Variants in LRMDA observed in about 807,000 individuals in gnomAD.
The protein encoded by LRMDA is leucine rich melanocyte differentiation associated.
In LRMDA, 18 loss-of-function variants were observed where a neutral mutation model predicts 29.8. The observed-to-expected ratio is 0.60, with a 90% confidence interval of 0.42 to 0.90. The LOEUF is 0.90. Among genes scored for constraint, LRMDA ranks in the 40% least tolerant of loss-of-function variants. The pLI is 0.00. For missense variants in LRMDA, 273 were observed against 273.9 expected, an observed-to-expected ratio of 1.00 and a Z score of 0.02; for synonymous variants, 125 against 109.4, an observed-to-expected ratio of 1.14 and a Z score of -0.89.
intron 5 of LRMDA, among the ~76,000 whole-genome samples, chr10:76,285,075 AG>A (rs1840255098): frequency 6.6e-6 from 1 of 152,154 alleles, no homozygotes; most frequent in East Asian, 1.9e-4. Flanking sequence ...TGTAGCCATA[AG>A]GGAAGTGATC....
chr10:76,145,769 T>A (rs1850304313), intron 5 of LRMDA, among the ~76,000 whole-genome samples: 1 of 152,106 alleles, frequency 6.6e-6, no homozygotes, highest in South Asian at 2.1e-4. Context: ...TCTAGTTCTT[T>A]TAATTGTGAT....
At chr10:76,505,241 T>A (rs771851096) in intron 6 of LRMDA, among the ~76,000 whole-genome samples, 7 of 152,018 alleles carry the variant, frequency 4.6e-5, no homozygotes, top group Admixed American at 1.3e-4. Context: ...TTTATGATGT[T>A]CTCTTTTGCA....
In LRMDA at chr10:76,174,495, T is replaced by C. The variant is rs191372705; in HGVS notation, c.516+115712T>C. Reference sequence around the variant, plus strand: ...GTTATTTTAACATTCTAAATGTAAATAGGGACCTTTTCCTAAAAGGAAAAC... The same window carrying C: ...GTTATTTTAACATTCTAAATGTAAACAGGGACCTTTTCCTAAAAGGAAAAC... On this transcript the variant is annotated intron_variant, in intron 5 of 6. Transcript: ENST00000611255. Among the ~76,000 whole-genome samples, 661 of 152,280 alleles carry C rather than the reference T, an allele frequency of 4.3e-3. 3 individuals carry two copies. Among genetic ancestry groups the C allele is most frequent in the African/African-American group, 0.012 (519 of 41,562 alleles).
intron 5 of LRMDA, among the ~76,000 whole-genome samples, chr10:76,218,113 G>A (rs796204348): frequency 7.9e-5 from 12 of 152,276 alleles, no homozygotes; most frequent in Middle Eastern, 3.4e-3. Context: ...AAGGCCTGGC[G>A]GGAGCATGGA....
At chr10:76,396,153 A>G (rs1006225628) in intron 6 of LRMDA, among the ~76,000 whole-genome samples, 6 of 152,182 alleles carry the variant, frequency 3.9e-5, no homozygotes, top group Non-Finnish European at 8.8e-5. Context: ...AGGGCTAGAG[A>G]AAGAGCCTGG....
chr10:76,553,421 G>A (rs1280554581), intron 6 of LRMDA, among the ~76,000 whole-genome samples: 6 of 152,168 alleles, frequency 3.9e-5, no homozygotes, highest in African/African-American at 1.2e-4. Context: ...TTCCAGCCTC[G>A]GAGTGCCTCC....
At chr10:76,310,367 C>T (rs1470753204) in intron 5 of LRMDA, among the ~76,000 whole-genome samples, 1 of 152,080 alleles carries the variant, frequency 6.6e-6, no homozygotes, top group African/African-American at 2.4e-5. Context: ...TAATGCTCAG[C>T]CTTTACCTTC....
chr10:75,605,100 A>G (rs990935292), intron 2 of LRMDA, among the ~76,000 whole-genome samples: 2 of 152,218 alleles, frequency 1.3e-5, no homozygotes, highest in African/African-American at 4.8e-5. Flanking sequence ...CTGGATTCTA[A>G]AAGAGTAACA....
At chr10:76,135,478 G>A (rs955464689) in intron 5 of LRMDA, among the ~76,000 whole-genome samples, 1 of 152,152 alleles carries the variant, frequency 6.6e-6, no homozygotes, top group East Asian at 1.9e-4. Flanking sequence ...CATTTTGAAA[G>A]GTTTGAAAGC....
intron 5 of LRMDA, among the ~76,000 whole-genome samples, chr10:76,220,721 A>G (rs1851815865): frequency 6.6e-6 from 1 of 152,318 alleles, no homozygotes; most frequent in South Asian, 2.1e-4. Context: ...ATTCCTTCTG[A>G]AACTATTCCA....
chr10:75,916,645 G>A (rs1337265108), intron 2 of LRMDA, among the ~76,000 whole-genome samples: 1 of 152,138 alleles, frequency 6.6e-6, no homozygotes, highest in Non-Finnish European at 1.5e-5. Flanking sequence ...AGCATACAGT[G>A]AAGGGAAGTA....
chr10:75,739,482 A>G (rs1842804400), intron 2 of LRMDA, among the ~76,000 whole-genome samples: 1 of 152,238 alleles, frequency 6.6e-6, no homozygotes, highest in Admixed American at 6.5e-5. Flanking sequence ...ATCTTGATGT[A>G]TTATTTTATG....
chr10:75,764,126 A>AAAG (rs1843131138), intron 2 of LRMDA, among the ~76,000 whole-genome samples: 1 of 152,104 alleles, frequency 6.6e-6, no homozygotes, highest in African/African-American at 2.4e-5. Context: ...TACCTGTCTT[A>AAAG]GCCTCTCCCT....
intron 2 of LRMDA, among the ~76,000 whole-genome samples, chr10:75,962,552 T>C (rs938030105): frequency 6.6e-6 from 1 of 152,216 alleles, no homozygotes; most frequent in African/African-American, 2.4e-5. Flanking sequence ...CTGAAACATG[T>C]GTGCACAGGA....
chr10:75,519,774 A>C (rs1845334530), intron 2 of LRMDA, among the ~76,000 whole-genome samples: 2 of 152,302 alleles, frequency 1.3e-5, no homozygotes, highest in East Asian at 3.9e-4. Context: ...TCTTCATAGC[A>C]TCCATGGTCT....
At chr10:76,188,948 A>ACACACG (rs1554853765) in intron 5 of LRMDA, among the ~76,000 whole-genome samples, 68 of 146,554 alleles carry the variant, frequency 4.6e-4, no homozygotes, top group Middle Eastern at 3.4e-3. Context: ...ACACACACAC[A>ACACACG]CACACACACA....
At chr10:75,542,305 C>G (rs1311608547) in intron 2 of LRMDA, among the ~76,000 whole-genome samples, 1 of 151,784 alleles carries the variant, frequency 6.6e-6, no homozygotes, top group Non-Finnish European at 1.5e-5. Flanking sequence ...TTTCCCTAAA[C>G]CCTTGGGACG....
In LRMDA at chr10:75,896,902, C is replaced by T. The variant is rs183878011; in HGVS notation, c.132-139106C>T. Among the ~76,000 whole-genome samples the T allele has an allele frequency of 1.8e-4, 27 of 151,364 alleles. No homozygotes were observed. The East Asian group carries it at 2.5e-3, about 14-fold the overall frequency. On this transcript the variant is annotated intron_variant, in intron 2 of 6. Coordinates refer to ENST00000611255, the MANE Select transcript of LRMDA (RefSeq NM_001305581.2). The stretch of plus-strand genomic sequence containing the variant: ...GAATATTAGTAGCCTAAAGGGAGAT[C>T]TCATGCTGCTTTGCTTTGTTTCATT...
chr10:75,694,362 G>T (rs962069535), intron 2 of LRMDA, among the ~76,000 whole-genome samples: 2 of 152,174 alleles, frequency 1.3e-5, no homozygotes, highest in Non-Finnish European at 2.9e-5. Flanking sequence ...GGAGTCATTT[G>T]TCCTACCCAC....
Sources: gnomAD v4.1 joint callset for allele counts (sites outside exome capture counted in the v4.1 genomes callset) on GRCh38, gnomAD v4.1.1 for gene constraint, MANE v1.5 for transcripts, NCBI Gene and HGNC (gene_info 2026-07-23, HGNC 2026-07-21) for gene names.